Variants in CTIF observed in about 807,000 individuals in gnomAD.
The protein encoded by CTIF is cap binding complex dependent translation initiation factor, also known as CBP80/20-dependent translation initiation factor.
CTIF carries 21 observed loss-of-function variants against 66.0 expected under a neutral mutation model. That is an observed-to-expected ratio of 0.32 (90% confidence interval 0.23 to 0.46). CTIF has a LOEUF of 0.46. Among genes scored for constraint, CTIF ranks in the 20% least tolerant of loss-of-function variants. The probability of loss-of-function intolerance (pLI) is 1.00; values close to 1 mark genes in which losing one functional copy is unlikely to be tolerated. For missense variants in CTIF, 739 were observed against 812.7 expected (o/e 0.91, Z 1.10); for synonymous variants, 345 against 326.4 (o/e 1.06, Z -0.62).
At chr18:48,770,126 A>G (rs1474161521) in intron 9 of CTIF, among the ~76,000 whole-genome samples, 1 of 152,222 alleles carries the variant, frequency 6.6e-6, no homozygotes, top group Non-Finnish European at 1.5e-5. Context: ...ATAAGCGAGG[A>G]AAGAAAATGA....
At chr18:48,801,339 C>T (rs1019423497) in intron 9 of CTIF, among the ~76,000 whole-genome samples, 4 of 152,220 alleles carry the variant, frequency 2.6e-5, no homozygotes, top group African/African-American at 9.7e-5. Context: ...ACGTTGGTCT[C>T]CCCCAAGCTC....
intron 7 of CTIF, among the ~76,000 whole-genome samples, chr18:48,744,039 C>T (rs1164249494): frequency 6.6e-6 from 1 of 152,188 alleles, no homozygotes. Flanking sequence ...AAGTGCTTTC[C>T]AGAAGGTCAA....
intron 1 of CTIF, among the ~76,000 whole-genome samples, chr18:48,554,570 G>A (rs1171034125): frequency 6.6e-6 from 1 of 152,266 alleles, no homozygotes; most frequent in Non-Finnish European, 1.5e-5. Flanking sequence ...CCACGATGGA[G>A]GAGCATTATC....
chr18:48,547,436 C>G (rs1336508033), intron 1 of CTIF, among the ~76,000 whole-genome samples: 1 of 152,202 alleles, frequency 6.6e-6, no homozygotes, highest in Non-Finnish European at 1.5e-5. Context: ...CCTACAGTTT[C>G]AAACTCAGGA....
At chr18:48,551,745 AT>A (rs1568026646) in intron 1 of CTIF, among the ~76,000 whole-genome samples, 1 of 151,850 alleles carries the variant, frequency 6.6e-6, no homozygotes, top group Non-Finnish European at 1.5e-5. Context: ...AAACGCAGGG[AT>A]TGAACAGGTG....
At chr18:48,595,038 C>A (rs1239374678) in intron 1 of CTIF, among the ~76,000 whole-genome samples, 1 of 152,246 alleles carries the variant, frequency 6.6e-6, no homozygotes, top group African/African-American at 2.4e-5. Context: ...GAAAGGTCAT[C>A]TTGACATCCG....
chr18:48,614,982 C>A (rs1348730218), intron 1 of CTIF, among the ~76,000 whole-genome samples: 1 of 152,116 alleles, frequency 6.6e-6, no homozygotes, highest in African/African-American at 2.4e-5. Context: ...CTCACTGTAA[C>A]CTCAAACTCC....
At chr18:48,656,003 A>G (rs1028404336) in intron 3 of CTIF, among the ~76,000 whole-genome samples, 2 of 152,256 alleles carry the variant, frequency 1.3e-5, no homozygotes, top group Non-Finnish European at 2.9e-5. Flanking sequence ...ATGTTTTTCT[A>G]TCATACAGCA....
At chr18:48,736,661 A>C (rs1369911493) in intron 7 of CTIF, among the ~76,000 whole-genome samples, 5 of 152,204 alleles carry the variant, frequency 3.3e-5, no homozygotes, top group Non-Finnish European at 5.9e-5. Flanking sequence ...TGAAATTTTC[A>C]CAGTGGAAGA....
At chr18:48,690,730 G>A (rs997280944) in intron 6 of CTIF, among the ~76,000 whole-genome samples, 1 of 151,614 alleles carries the variant, frequency 6.6e-6, no homozygotes, top group Non-Finnish European at 1.5e-5. Context: ...GAACACAGGA[G>A]CCTGCCCCGC....
chr18:48,722,259 G>C (rs942026287), intron 7 of CTIF, among the ~76,000 whole-genome samples: 4 of 142,892 alleles, frequency 2.8e-5, no homozygotes, highest in African/African-American at 5.3e-5. Flanking sequence ...CTGTTGTCCA[G>C]GCTGGAGTTG....
At chr18:48,670,504 A>ACC in intron 5 of CTIF, 165 bp from the exon 6 acceptor site, 1 of 588,384 alleles carries the variant, frequency 1.7e-6, no homozygotes, top group Non-Finnish European at 3.1e-6. Flanking sequence ...CCACACACAC[A>ACC]CAGCTTCTCT....
chr18:48,563,535 G>A (rs531079010), intron 1 of CTIF, among the ~76,000 whole-genome samples: 9 of 152,242 alleles, frequency 5.9e-5, no homozygotes, highest in East Asian at 5.8e-4. Flanking sequence ...GCAGTGGCGC[G>A]ATCTTGACTC....
intron 2 of CTIF, 46 bp downstream of exon 2, chr18:48,619,791 G>T: frequency 1.4e-6 from 2 of 1,451,704 alleles, no homozygotes; most frequent in Non-Finnish European, 1.8e-6. Context: ...ATTCAGAGGG[G>T]GTGATGCAGG....
intron 7 of CTIF, among the ~76,000 whole-genome samples, chr18:48,726,038 C>T (rs2092384111): frequency 6.6e-6 from 1 of 152,186 alleles, no homozygotes; most frequent in Non-Finnish European, 1.5e-5. Context: ...AGGCATGTTG[C>T]TCAACTATAA....
intron 9 of CTIF, among the ~76,000 whole-genome samples, chr18:48,798,287 C>G (rs1423736287): frequency 1.3e-5 from 2 of 152,362 alleles, no homozygotes; most frequent in East Asian, 3.9e-4. Context: ...TACAGTTAGA[C>G]TCCTGGGAGA....
At chr18:48,747,656 C>T (rs946823331) in intron 7 of CTIF, among the ~76,000 whole-genome samples, 1 of 151,938 alleles carries the variant, frequency 6.6e-6, no homozygotes, top group African/African-American at 2.4e-5. Flanking sequence ...CTTGTAATCC[C>T]AGCGCTCTGA....
At chr18:48,577,896 T>C (rs1287304147) in intron 1 of CTIF, among the ~76,000 whole-genome samples, 1 of 152,188 alleles carries the variant, frequency 6.6e-6, no homozygotes, top group East Asian at 1.9e-4. Flanking sequence ...GTTTTAAATA[T>C]ATTGACGATG....
intron 10 of CTIF, among the ~76,000 whole-genome samples, chr18:48,828,542 G>A (rs2068628261): frequency 6.6e-6 from 1 of 152,326 alleles, no homozygotes; most frequent in South Asian, 2.1e-4. Flanking sequence ...ATTAGGGAGA[G>A]AGAATGATTT....
Sources: gnomAD v4.1 joint callset for allele counts (sites outside exome capture counted in the v4.1 genomes callset) on GRCh38, gnomAD v4.1.1 for gene constraint, MANE v1.5 for transcripts, NCBI Gene and HGNC (gene_info 2026-07-23, HGNC 2026-07-21) for gene names.